SLC39A9: variants seen among roughly 807,000 people sequenced by gnomAD.
SLC39A9 encodes zinc transporter ZIP9.
A neutral mutation model predicts 28.4 loss-of-function variants in SLC39A9; 14 were observed. The ratio of observed to expected loss-of-function variants is 0.49; its 90% CI spans 0.33 to 0.77. SLC39A9 has a LOEUF of 0.77. SLC39A9 is among the 30% of genes least tolerant of loss of function. SLC39A9 has a pLI of 0.02. For missense variants in SLC39A9, 283 were observed against 381.1 expected, an observed-to-expected ratio of 0.74 and a Z score of 2.14; for synonymous variants, 119 against 149.6, an observed-to-expected ratio of 0.80 and a Z score of 1.49.
intron 2 of SLC39A9, among the ~76,000 whole-genome samples, chr14:69,441,599 C>T (rs1237273138): frequency 6.6e-6 from 1 of 152,138 alleles, no homozygotes; most frequent in Admixed American, 6.5e-5. Flanking sequence ...AAATTTTCTA[C>T]TCAATTTGTT....
chr14:69,421,041 G>A (rs565547226), intron 1 of SLC39A9, among the ~76,000 whole-genome samples: 105 of 152,322 alleles, frequency 6.9e-4, no homozygotes, highest in Non-Finnish European at 1.2e-3. Flanking sequence ...CATTGCTGGC[G>A]AGGAGCTGCA....
intron 2 of SLC39A9, chr14:69,441,717 AG>A (rs1885058254): frequency 1.3e-6 from 1 of 780,330 alleles, no homozygotes; most frequent in African/African-American, 1.9e-5. Flanking sequence ...AGAAAAAAAC[AG>A]TGTATTTTCT....
At chr14:69,431,489 T>G (rs1270564400) in intron 2 of SLC39A9, among the ~76,000 whole-genome samples, 1 of 151,990 alleles carries the variant, frequency 6.6e-6, no homozygotes, top group Non-Finnish European at 1.5e-5. Flanking sequence ...CATTCTTGCC[T>G]TACTTTCATT....
At chr14:69,431,377 C>G (rs1594928518) in intron 2 of SLC39A9, among the ~76,000 whole-genome samples, 2 of 150,676 alleles carry the variant, frequency 1.3e-5, no homozygotes, top group Non-Finnish European at 3.0e-5. Flanking sequence ...TGAATAGGGA[C>G]AGCTTAACCT....
intron 1 of SLC39A9, among the ~76,000 whole-genome samples, chr14:69,401,701 G>A (rs1882644151): frequency 6.6e-6 from 1 of 152,120 alleles, no homozygotes; most frequent in African/African-American, 2.4e-5. Context: ...GTCATTTGTG[G>A]CTTTCTTAAA....
chr14:69,420,927 A>G (rs1883853121), intron 1 of SLC39A9, among the ~76,000 whole-genome samples: 1 of 152,052 alleles, frequency 6.6e-6, no homozygotes, highest in Admixed American at 6.6e-5. Flanking sequence ...CTTCCTTGCG[A>G]TGGGTTTGAA....
chr14:69,442,361 T>C, intron 3 of SLC39A9, 95 bp downstream of exon 3: 1 of 1,194,562 alleles, frequency 8.4e-7, no homozygotes, highest in Non-Finnish European at 1.2e-6. Context: ...AGTGGCCATA[T>C]TTAGTGCTAA....
chr14:69,402,879 C>T (rs757455836), intron 1 of SLC39A9, among the ~76,000 whole-genome samples: 18 of 151,968 alleles, frequency 1.2e-4, no homozygotes, highest in Admixed American at 2.6e-4. Flanking sequence ...GTCAGGAGTT[C>T]GAGACCAGCC....
At chr14:69,422,575 C>T (rs1883959050) in intron 1 of SLC39A9, among the ~76,000 whole-genome samples, 1 of 151,984 alleles carries the variant, frequency 6.6e-6, no homozygotes, top group African/African-American at 2.4e-5. Flanking sequence ...GGGCCTGGCT[C>T]TCCTTGCCGG....
Position 69,459,930 on chromosome 14 carries a change from C to T in SLC39A9, c.*1337C>T, listed in dbSNP as rs188265020. On this transcript the variant is annotated 3_prime_UTR_variant, in exon 7 of 7. Transcript: ENST00000336643. ...AAGAAATTACCTTTGTGTCAAATGC[C>T]GCTTTGTTGAGCCCTTAAAATACCA... is the stretch of plus-strand genomic sequence containing the variant. 43 of 985,554 alleles carry T rather than the reference C, an allele frequency of 4.4e-5. No individual in the cohort carries two copies. Among genetic ancestry groups the T allele is most frequent in the African/African-American group, 4.0e-4 (23 of 57,288 alleles). The allele number at this position is 985,554 out of a possible 1,614,324, so 61.1% of individuals were successfully genotyped here.
chr14:69,445,513 G>T (rs1172200662), intron 3 of SLC39A9, among the ~76,000 whole-genome samples: 1 of 152,090 alleles, frequency 6.6e-6, no homozygotes, highest in Non-Finnish European at 1.5e-5. Context: ...TTATCATTAA[G>T]ACTTCTGATC....
Position 69,444,830 on chromosome 14 carries a change from G to A in SLC39A9, c.403+2564G>A, listed in dbSNP as rs1036809135. Among the ~76,000 whole-genome samples the A allele has an allele frequency of 8.5e-5, 13 of 152,094 alleles. No individual in the cohort carries two copies. In the East Asian group the frequency reaches 1.7e-3, roughly 20 times the overall value. ...AAAAGAATAAAGATTCAGGCAGAGC[G>A]CAGTGGCTCACCCCTTTAATCCCAG... is the stretch of plus-strand genomic sequence containing the variant. On this transcript the variant is annotated intron_variant, in intron 3 of 6. Transcript: ENST00000336643.
intron 2 of SLC39A9, chr14:69,428,743 G>GGAAGTGGTCAGTCAAAGCA: frequency 6.6e-6 from 1 of 152,594 alleles, no homozygotes; most frequent in Admixed American, 6.5e-5. Flanking sequence ...ACTGAGAAGT[G>GGAAGTGGTCAGTCAAAGCA]GAAGTGGTCA....
At chr14:69,405,781 C>T (rs1487416156) in intron 1 of SLC39A9, among the ~76,000 whole-genome samples, 11 of 152,214 alleles carry the variant, frequency 7.2e-5, no homozygotes. Flanking sequence ...TCCTGAAAAA[C>T]TTTGTTTTCT....
At chr14:69,441,922 G>C in intron 2 of SLC39A9, 147 bp from the exon 3 acceptor site, 1 of 1,419,026 alleles carries the variant, frequency 7.0e-7, no homozygotes, top group Non-Finnish European at 9.2e-7. Flanking sequence ...AGTTGAAGGA[G>C]TTAATGATTG....
chr14:69,458,585 C>T lies in SLC39A9; in HGVS notation c.916C>T (p.Gln306Ter). 3 of 1,610,918 alleles carry T rather than the reference C, an allele frequency of 1.9e-6. No homozygotes were observed. Among genetic ancestry groups the T allele is most frequent in the Non-Finnish European group, 2.5e-6 (3 of 1,177,856 alleles). ...CCCTCTCATCCTGTCAGTAGGACACCAGCATTAAATGTTCAAGGTCCAGCC... is the reference window on the plus strand; with the variant it reads ...CCCTCTCATCCTGTCAGTAGGACACTAGCATTAAATGTTCAAGGTCCAGCC... Reference protein sequence around the residue: ...LIPLILSVGHQH With the variant: ...LIPLILSVGH The change falls in exon 7 of 7, where the codon CAG (glutamine) becomes TAG (stop). Residue 306 changes from glutamine (Q) to a stop codon, truncating the protein, a stop_gained. Coordinates refer to ENST00000336643, the MANE Select transcript of SLC39A9 (RefSeq NM_018375.5). LOFTEE classifies it high-confidence loss of function.
At chr14:69,441,906 A>G (rs1885066488) in intron 2 of SLC39A9, 163 bp from the exon 3 acceptor site, 2 of 1,402,064 alleles carry the variant, frequency 1.4e-6, no homozygotes, top group Admixed American at 6.3e-5. Context: ...TTCATCATGA[A>G]CTTTAAGTTG....
intron 1 of SLC39A9, among the ~76,000 whole-genome samples, chr14:69,418,673 C>G (rs1401081032): frequency 6.6e-6 from 1 of 152,064 alleles, no homozygotes; most frequent in Non-Finnish European, 1.5e-5. Context: ...TAATTATTGC[C>G]TCAGTTTCAG....
At chr14:69,398,457 G>T (rs1025997695), upstream of SLC39A9, 10 of 615,494 alleles carry the variant, frequency 1.6e-5, no homozygotes, top group African/African-American at 1.5e-4. Flanking sequence ...AAAGGTAAGG[G>T]AAAGTTTCCA....
Sources: gnomAD v4.1 joint callset for allele counts (sites outside exome capture counted in the v4.1 genomes callset) on GRCh38, gnomAD v4.1.1 for gene constraint, MANE v1.5 for transcripts, NCBI Gene and HGNC (gene_info 2026-07-23, HGNC 2026-07-21) for gene names.